The following MOB3A variants were observed in gnomAD, a reference collection of about 807,000 sequenced individuals.
The protein encoded by MOB3A is MOB kinase activator 3A.
MOB3A carries 17 observed loss-of-function variants against 17.8 expected under a neutral mutation model. The observed-to-expected ratio is 0.95, with a 90% CI of 0.65 to 1.43. The LOEUF (loss-of-function observed/expected upper bound fraction) is 1.43, where lower values mean the gene tolerates loss of function less well. Among genes scored for constraint, MOB3A ranks in the 40% most tolerant of loss-of-function variants. The pLI, the probability that MOB3A is intolerant of heterozygous loss-of-function variation, is 0.00. For synonymous variants in MOB3A, 124 were observed against 133.2 expected (o/e 0.93, Z 0.48); for missense variants, 333 against 310.8 (o/e 1.07, Z -0.54).
chr19:2,087,590 G>C (rs1360578378), intron 1 of MOB3A, among the ~76,000 whole-genome samples: 2 of 152,224 alleles, frequency 1.3e-5, no homozygotes, highest in African/African-American at 4.8e-5. Context: ...AGGAGATCAA[G>C]GCTGCAGTGA....
intron 4 of MOB3A, among the ~76,000 whole-genome samples, chr19:2,075,037 T>C (rs545256136): frequency 3.8e-4 from 58 of 151,286 alleles, no homozygotes; most frequent in African/African-American, 1.3e-3. Flanking sequence ...CTTTTCTTTT[T>C]TTTTTTTTTT....
At position 2,078,645 on chromosome 19, in the gene MOB3A, A is replaced by C; in HGVS notation, c.-85T>G. On this transcript the variant is annotated 5_prime_UTR_variant, in exon 3 of 5. Coordinates refer to ENST00000357066, the MANE Select transcript of MOB3A (RefSeq NM_130807.3). Reference sequence around the variant, plus strand: ...GTGCTGACCAACCCGAGAGGCCACGAAACACTCACCAAGCCCCACAGCTCT... The same window carrying C: ...GTGCTGACCAACCCGAGAGGCCACGCAACACTCACCAAGCCCCACAGCTCT... 7.4e-7 allele frequency: 1 copy of C among 1,348,648 alleles called. No homozygotes were observed. The highest frequency in any genetic ancestry group is 1.4e-5 in the South Asian group (1 of 69,472). The allele number at this position is 1,348,648 out of a possible 1,614,324, so 83.5% of individuals were successfully genotyped here. A position where few individuals can be genotyped will look rare whatever the true frequency, so the allele number is the denominator to read the frequency against.
At chr19:2,075,608 T>G (rs2017395230) in intron 4 of MOB3A, among the ~76,000 whole-genome samples, 1 of 152,058 alleles carries the variant, frequency 6.6e-6, no homozygotes, top group Non-Finnish European at 1.5e-5. Context: ...TCTGGGCAGG[T>G]TCCAGTGCCA....
At chr19:2,090,555 C>G (rs1599412428) in intron 1 of MOB3A, among the ~76,000 whole-genome samples, 1 of 152,272 alleles carries the variant, frequency 6.6e-6, no homozygotes, top group Middle Eastern at 3.4e-3. Context: ...TGACTCAATA[C>G]CCAGGGGGAG....
intron 1 of MOB3A, chr19:2,090,289 C>G (rs1289284406): frequency 1.3e-5 from 2 of 152,286 alleles, no homozygotes; most frequent in African/African-American, 4.8e-5. Context: ...GAGTGGCTCA[C>G]ACCCCCGACC....
intron 1 of MOB3A, among the ~76,000 whole-genome samples, chr19:2,087,293 T>G (rs1046246207): frequency 2.0e-5 from 3 of 152,252 alleles, no homozygotes; most frequent in African/African-American, 7.2e-5. Flanking sequence ...GTTACGTGAC[T>G]CCTGGCACGT....
chr19:2,087,491 G>A (rs1473615887), intron 1 of MOB3A, among the ~76,000 whole-genome samples: 7 of 152,162 alleles, frequency 4.6e-5, no homozygotes, highest in African/African-American at 9.7e-5. Context: ...ATCTCTGTAC[G>A]AAATAGTTAA....
intron 2 of MOB3A, among the ~76,000 whole-genome samples, chr19:2,080,027 G>A (rs1046738092): frequency 5.3e-5 from 8 of 152,172 alleles, no homozygotes; most frequent in Non-Finnish European, 7.3e-5. Flanking sequence ...CACACACCGC[G>A]CGTGTGCCGG....
chr19:2,092,760 A>AT (rs2017628179), intron 1 of MOB3A, among the ~76,000 whole-genome samples: 1 of 151,096 alleles, frequency 6.6e-6, no homozygotes. Flanking sequence ...TCTCAAAAAA[A>AT]AAAAAAAAAA....
rs910368417 is a variant in MOB3A, at chr19:2,078,728, C to T, written c.-119-49G>A. The T allele has an allele frequency of 4.5e-4, 284 of 635,692 alleles. 1 individual carries two copies. Among genetic ancestry groups the T allele is most frequent in the African/African-American group, 2.9e-4 (16 of 54,268 alleles). The allele number at this position is 635,692 out of a possible 1,614,324, so 39.4% of individuals were successfully genotyped here. On this transcript the variant is annotated intron_variant, in intron 2 of 4. Coordinates refer to ENST00000357066, the MANE Select transcript of MOB3A (RefSeq NM_130807.3). The stretch of plus-strand genomic sequence containing the variant: ...ACCTGCTGGAGGCGACAGAATTTCC[C>T]GGAAACTCGTGCTGAGGGCACAAGC...
intron 1 of MOB3A, among the ~76,000 whole-genome samples, chr19:2,092,064 T>C (rs1029785045): frequency 6.6e-6 from 1 of 150,588 alleles, no homozygotes; most frequent in Non-Finnish European, 1.5e-5. Context: ...TAAGGAACTA[T>C]TGTGTCTGGA....
intron 2 of MOB3A, among the ~76,000 whole-genome samples, chr19:2,080,164 C>G (rs150722492): frequency 6.6e-6 from 1 of 152,158 alleles, no homozygotes; most frequent in Non-Finnish European, 1.5e-5. Context: ...ACCTTCTGGA[C>G]GGGCAGAGAC....
chr19:2,078,293 C>G lies in MOB3A; in HGVS notation c.268G>C (p.Val90Leu), dbSNP rs140161770. 1.2e-6 allele frequency: 2 copies of G among 1,614,118 alleles called. No individual in the cohort carries two copies. The highest frequency in any genetic ancestry group is 1.7e-6 in the Non-Finnish European group (2 of 1,180,002). ...SDGCTEQSCPVMSGGPKYEYR... is the reference protein window; with the variant it reads ...SDGCTEQSCPLMSGGPKYEYR... ...TCATACTTGGGGCCCCCCGACATGACGGGGCAGGACTGCTCCGTGCAGCCG... is the reference window on the plus strand; with the variant it reads ...TCATACTTGGGGCCCCCCGACATGAGGGGGCAGGACTGCTCCGTGCAGCCG... The change falls in exon 3 of 5, where the codon GTC (valine) becomes CTC (leucine). Residue 90 changes from valine (V) to leucine (L), a missense_variant. Val to Leu is a conservative substitution (Grantham distance 32). Coordinates refer to ENST00000357066, the MANE Select transcript of MOB3A (RefSeq NM_130807.3).
intron 1 of MOB3A, among the ~76,000 whole-genome samples, chr19:2,094,041 CTTTTTTTT>C (rs1012593196): frequency 7.9e-5 from 9 of 113,212 alleles, no homozygotes; most frequent in African/African-American, 1.7e-4. Flanking sequence ...TATGTAAGTT[CTTTTTTTT>C]TTTTTTTTTT....
At chr19:2,080,650 G>T (rs965203218) in intron 2 of MOB3A, among the ~76,000 whole-genome samples, 2 of 152,056 alleles carry the variant, frequency 1.3e-5, no homozygotes, top group African/African-American at 4.8e-5. Context: ...TGCTGGGATT[G>T]CAAGCGAGCA....
intron 1 of MOB3A, among the ~76,000 whole-genome samples, chr19:2,091,152 CA>C (rs2017609448): frequency 1.3e-5 from 2 of 152,126 alleles, no homozygotes; most frequent in Non-Finnish European, 1.5e-5. Context: ...CTGGCCAGAT[CA>C]GGGGAACACG....
At chr19:2,087,497 G>C (rs1046769127) in intron 1 of MOB3A, among the ~76,000 whole-genome samples, 1 of 152,168 alleles carries the variant, frequency 6.6e-6, no homozygotes, top group African/African-American at 2.4e-5. Flanking sequence ...GTACGAAATA[G>C]TTAAGAAATT....
chr19:2,092,261 C>G (rs1429959631), intron 1 of MOB3A, among the ~76,000 whole-genome samples: 1 of 151,618 alleles, frequency 6.6e-6, no homozygotes, highest in African/African-American at 2.4e-5. Flanking sequence ...CCACCACGCC[C>G]AGCTAACTTT....
Position 2,071,043 on chromosome 19 carries a change from G to A in MOB3A, c.*2352C>T, listed in dbSNP as rs544349587. ...GGAAAACGACACCATTTATTCCGAC[G>A]TCTGCGTCTGTAGTTTTATTCCGTA... On this transcript the variant is annotated 3_prime_UTR_variant, in exon 5 of 5. Transcript: ENST00000357066. The A allele has an allele frequency of 7.2e-5, 11 of 152,164 alleles. No homozygotes were observed. Among genetic ancestry groups the A allele is most frequent in the Admixed American group, 3.9e-4 (6 of 15,266 alleles). The allele number at this position is 152,164 out of a possible 1,614,324, so 9.4% of individuals were successfully genotyped here.
Sources: gnomAD v4.1 joint callset for allele counts (sites outside exome capture counted in the v4.1 genomes callset) on GRCh38, gnomAD v4.1.1 for gene constraint, MANE v1.5 for transcripts, NCBI Gene and HGNC (gene_info 2026-07-23, HGNC 2026-07-21) for gene names.